The following LARGE1 variants were observed in gnomAD, a reference collection of about 807,000 sequenced individuals.
LARGE1 encodes LARGE xylosyl- and glucuronyltransferase 1.
In LARGE1, 43 loss-of-function variants were observed where a neutral mutation model predicts 87.6. The ratio of observed to expected loss-of-function variants is 0.49; its 90% CI spans 0.38 to 0.63. LARGE1 has a LOEUF of 0.63. LARGE1 is among the 30% of genes least tolerant of loss of function. The probability of loss-of-function intolerance (pLI) is 0.00; values close to 1 mark genes in which losing one functional copy is unlikely to be tolerated. For missense variants in LARGE1, 802 were observed against 1,000.2 expected (o/e 0.80, Z 2.67); for synonymous variants, 434 against 394.6 (o/e 1.10, Z -1.18).
At chr22:33,718,295 C>T (rs1241104172) in intron 2 of LARGE1, among the ~76,000 whole-genome samples, 1 of 152,150 alleles carries the variant, frequency 6.6e-6, no homozygotes, top group African/African-American at 2.4e-5. Flanking sequence ...ACCTCAGCTG[C>T]TCACCAAAGA....
chr22:33,513,884 A>C (rs1384643868), intron 6 of LARGE1, among the ~76,000 whole-genome samples: 1 of 150,500 alleles, frequency 6.6e-6, no homozygotes, highest in African/African-American at 2.4e-5. Context: ...GGTCAACAAC[A>C]GACAGTATAG....
chr22:33,435,293 TGCCTG>T (rs1221018201), intron 6 of LARGE1, among the ~76,000 whole-genome samples: 1 of 152,146 alleles, frequency 6.6e-6, no homozygotes, highest in Non-Finnish European at 1.5e-5. Context: ...TGAGCCACCA[TGCCTG>T]GCTCCTACGG....
intron 1 of LARGE1, among the ~76,000 whole-genome samples, chr22:33,916,852 C>T (rs892609617): frequency 2.0e-5 from 3 of 152,206 alleles, no homozygotes; most frequent in African/African-American, 7.2e-5. Context: ...GGTCTTCAAT[C>T]GTTGGTGCTC....
At chr22:33,614,237 T>C (rs567980004) in intron 4 of LARGE1, among the ~76,000 whole-genome samples, 2 of 152,274 alleles carry the variant, frequency 1.3e-5, no homozygotes, top group South Asian at 4.1e-4. Context: ...CTAAAACATA[T>C]GCAGCACTTA....
intron 7 of LARGE1, among the ~76,000 whole-genome samples, chr22:33,423,404 C>T (rs921339736): frequency 7.2e-5 from 11 of 151,786 alleles, no homozygotes; most frequent in African/African-American, 2.2e-4. Flanking sequence ...TGGCTGGGCA[C>T]GGTGGCTCAC....
intron 1 of LARGE1, among the ~76,000 whole-genome samples, chr22:33,904,136 C>T (rs1159200263): frequency 6.6e-6 from 1 of 152,128 alleles, no homozygotes; most frequent in East Asian, 1.9e-4. Context: ...CTTCCTCCTA[C>T]CAGCTCCGGG....
chr22:33,107,887 T>A, the LARGE1 span, among the ~76,000 whole-genome samples: 2 of 152,016 alleles, frequency 1.3e-5, no homozygotes, highest in African/African-American at 4.8e-5. Context: ...AAGGCTTTAT[T>A]TAATTTTATG....
At chr22:33,415,607 C>T (rs1046428127) in intron 7 of LARGE1, among the ~76,000 whole-genome samples, 2 of 152,138 alleles carry the variant, frequency 1.3e-5, no homozygotes, top group African/African-American at 4.8e-5. Context: ...ATTAGAGCCC[C>T]CACCAAGTCT....
chr22:33,087,307 A>C, the LARGE1 span, among the ~76,000 whole-genome samples: 1 of 152,038 alleles, frequency 6.6e-6, no homozygotes, highest in East Asian at 1.9e-4. Flanking sequence ...CAAGTTCTTC[A>C]ATTTAATTAC....
At chr22:33,551,876 C>T (rs777675087) in intron 6 of LARGE1, among the ~76,000 whole-genome samples, 5 of 151,814 alleles carry the variant, frequency 3.3e-5, no homozygotes, top group Non-Finnish European at 5.9e-5. Flanking sequence ...CGCCTGTAGT[C>T]CCAGCTACTT....
chr22:33,129,605 T>C, the LARGE1 span, among the ~76,000 whole-genome samples: 53,770 of 151,982 alleles, frequency 0.35, 9,707 homozygotes, highest in South Asian at 0.46. Flanking sequence ...CACACTGCTA[T>C]GAAGAAATGC....
At chr22:33,907,630 C>G (rs1046040327) in intron 1 of LARGE1, among the ~76,000 whole-genome samples, 2 of 151,758 alleles carry the variant, frequency 1.3e-5, no homozygotes, top group African/African-American at 4.8e-5. Context: ...CGCAGTGGCG[C>G]GATCTCGGCT....
chr22:33,267,541 G>T (rs1310802868), downstream of LARGE1, among the ~76,000 whole-genome samples: 1 of 151,514 alleles, frequency 6.6e-6, no homozygotes, highest in Non-Finnish European at 1.5e-5. Context: ...AGATGCACTA[G>T]ACTGCAGAAG....
At chr22:33,828,909 T>C (rs2062878054) in intron 1 of LARGE1, among the ~76,000 whole-genome samples, 1 of 152,156 alleles carries the variant, frequency 6.6e-6, no homozygotes. Flanking sequence ...CTCGCTGGAA[T>C]GTTCTTCCTC....
chr22:33,515,792 G>C (rs1343932940), intron 6 of LARGE1, among the ~76,000 whole-genome samples: 4 of 152,160 alleles, frequency 2.6e-5, no homozygotes, highest in Non-Finnish European at 5.9e-5. Context: ...GCAGGAAGAA[G>C]GTGCTCCTGC....
Position 33,493,865 on chromosome 22 carries a change from C to A in LARGE1, c.788-61600G>T, listed in dbSNP as rs943444842. Among the ~76,000 whole-genome samples the A allele has an allele frequency of 1.3e-4, 20 of 152,322 alleles. No individual in the cohort carries two copies. In the South Asian group the frequency reaches 2.3e-3, roughly 17 times the overall value. ...AATATCAGTGTGCCCAGACTCCTGA[C>A]ATAATTAAGAGACCCTCCAAACCCA... On this transcript the variant is annotated intron_variant, in intron 6 of 14. Coordinates refer to ENST00000397394, the MANE Select transcript of LARGE1 (RefSeq NM_133642.5).
At chr22:33,247,618 T>C (rs1055174621) in intron 11 of LARGE1, among the ~76,000 whole-genome samples, 3 of 152,264 alleles carry the variant, frequency 2.0e-5, no homozygotes, top group Non-Finnish European at 4.4e-5. Context: ...TTATGTCTAA[T>C]GAAATATGGA....
chr22:33,854,117 C>G (rs1412076673), intron 1 of LARGE1, among the ~76,000 whole-genome samples: 1 of 147,538 alleles, frequency 6.8e-6, no homozygotes, highest in East Asian at 2.0e-4. Context: ...GATCCATTTG[C>G]ATCAAAAACG....
intron 3 of LARGE1, among the ~76,000 whole-genome samples, chr22:33,628,318 CTTT>C (rs35066040): frequency 1.3e-4 from 17 of 132,948 alleles, no homozygotes; most frequent in Admixed American, 3.0e-4. Flanking sequence ...ACTGTTTTTG[CTTT>C]TTTTTTTTTT....
Sources: allele counts gnomAD v4.1 joint callset (sites outside exome capture counted in the v4.1 genomes callset), GRCh38; gene constraint gnomAD v4.1.1; transcripts MANE v1.5; gene names NCBI Gene and HGNC (gene_info 2026-07-23, HGNC 2026-07-21).